Variants in NAV1 observed in about 807,000 individuals in gnomAD.
The protein encoded by NAV1 is pore membrane and/or filament interacting like protein 3.
Under a neutral mutation model 175.2 loss-of-function variants are expected in NAV1, and 18 were observed. That is an observed-to-expected ratio of 0.10 (90% CI 0.07 to 0.15). NAV1 has a LOEUF of 0.15. Among genes scored for constraint, NAV1 ranks in the 10% least tolerant of loss-of-function variants. The pLI is 1.00. For missense variants in NAV1, 1,731 were observed against 2,436.6 expected (o/e 0.71, Z 6.10); for synonymous variants, 897 against 978.7 (o/e 0.92, Z 1.56).
At position 201,782,831 on chromosome 1, in the gene NAV1, A is replaced by C. The variant is rs768514354; in HGVS notation, c.2319A>C (p.Thr773=). ...CCAAGAACCAAGCAAGCCACCCCACAGCCACCAAGCTGGCAGAGCTGCCAC... is the reference window on the plus strand; with the variant it reads ...CCAAGAACCAAGCAAGCCACCCCACCGCCACCAAGCTGGCAGAGCTGCCAC... The change falls in exon 6 of 30, where the codon ACA becomes ACC. Residue 773 remains threonine, a synonymous_variant. Transcript: ENST00000367296. This position sits in a 1 kb window ranked among gnomAD's most constrained non-coding sequence, Gnocchi z 5.4. 6.3e-7 allele frequency: 1 copy of C among 1,597,738 alleles called. No individual in the cohort carries two copies. Among genetic ancestry groups the C allele is most frequent in the Admixed American group, 1.7e-5 (1 of 58,342 alleles).
At chr1:201,802,869 C>T (rs1678027403) in intron 15 of NAV1, among the ~76,000 whole-genome samples, 1 of 152,048 alleles carries the variant, frequency 6.6e-6, no homozygotes, top group Non-Finnish European at 1.5e-5. Context: ...TTTTTCTGTA[C>T]CCCCACATGT....
chr1:201,783,025 T>C (rs1000754324), intron 6 of NAV1, among the ~76,000 whole-genome samples, 156 bp downstream of exon 10: 1 of 152,204 alleles, frequency 6.6e-6, no homozygotes, highest in Non-Finnish European at 1.5e-5. Context: ...GCCAAGGTTC[T>C]GAAAGAATCT....
chr1:201,725,003 A>G (rs1046563479), intron 3 of NAV1: 2 of 152,302 alleles, frequency 1.3e-5, no homozygotes, highest in Admixed American at 6.6e-5. Flanking sequence ...AGCGAGCTCA[A>G]GCCTTAAAGA....
chr1:201,614,667 G>C (rs1385570954), intron 2 of NAV1, among the ~76,000 whole-genome samples: 8 of 152,192 alleles, frequency 5.3e-5, no homozygotes, highest in Non-Finnish European at 1.0e-4. Flanking sequence ...GGCGGGGCCT[G>C]GCGCTGGAAT....
At chr1:201,814,775 C>T (rs908153238) in intron 28 of NAV1, among the ~76,000 whole-genome samples, 10 of 152,010 alleles carry the variant, frequency 6.6e-5, no homozygotes, top group African/African-American at 2.4e-4. Flanking sequence ...TGCGGTGGCT[C>T]ACGCCTGTAA....
chr1:201,546,845 A>G (rs1398998899), intron 1 of NAV1, among the ~76,000 whole-genome samples: 1 of 150,682 alleles, frequency 6.6e-6, no homozygotes, highest in Non-Finnish European at 1.5e-5. Context: ...CAGAAGTTGC[A>G]GTGAGCTGAG....
intron 1 of NAV1, among the ~76,000 whole-genome samples, chr1:201,691,158 C>T (rs1670917906): frequency 6.6e-6 from 1 of 152,172 alleles, no homozygotes; most frequent in Non-Finnish European, 1.5e-5. Context: ...GTAAGATGTT[C>T]AGCAGCATCC....
At chr1:201,592,054 G>A (rs1018353586) in intron 2 of NAV1, among the ~76,000 whole-genome samples, 37 of 152,148 alleles carry the variant, frequency 2.4e-4, no homozygotes, top group African/African-American at 8.0e-4. Flanking sequence ...GTCTGCAGAG[G>A]TGTCTTCTCT....
At chr1:201,597,159 G>A (rs549305365) in intron 2 of NAV1, among the ~76,000 whole-genome samples, 16 of 152,150 alleles carry the variant, frequency 1.1e-4, no homozygotes, top group Non-Finnish European at 1.5e-4. Context: ...GAGAAGCAAC[G>A]AGAACATTGG....
chr1:201,593,238 T>C (rs554600582), intron 2 of NAV1, among the ~76,000 whole-genome samples: 1 of 152,266 alleles, frequency 6.6e-6, no homozygotes, highest in East Asian at 1.9e-4. Context: ...AGCCCCATCG[T>C]CTCCAGCTTC....
At chr1:201,548,124 T>C (rs114479730) in intron 1 of NAV1, among the ~76,000 whole-genome samples, 134 of 152,366 alleles carry the variant, frequency 8.8e-4, no homozygotes, top group Non-Finnish European at 1.6e-3. Context: ...GCACATGCTA[T>C]GCTGTCCCCA....
At chr1:201,781,173 T>A (rs559534072) in exon 5 of NAV1, 1 of 1,614,140 alleles carries the variant, frequency 6.2e-7, no homozygotes, top group South Asian at 1.1e-5. Context: ...AGAGCTGTGA[T>A]GATTCATCCA....
At chr1:201,801,292 T>C (rs957549803) in intron 15 of NAV1, among the ~76,000 whole-genome samples, 1 of 152,156 alleles carries the variant, frequency 6.6e-6, no homozygotes, top group Non-Finnish European at 1.5e-5. Flanking sequence ...AAGGGAAAAT[T>C]AGAGTTTAAA....
chr1:201,605,215 TC>T (rs1000887672), intron 2 of NAV1, among the ~76,000 whole-genome samples: 2 of 151,360 alleles, frequency 1.3e-5, no homozygotes, highest in Non-Finnish European at 2.9e-5. Context: ...TTCTCTACTT[TC>T]CACCTTCCCT....
chr1:201,699,769 G>C (rs895845459), intron 1 of NAV1, among the ~76,000 whole-genome samples: 2 of 152,116 alleles, frequency 1.3e-5, no homozygotes, highest in Admixed American at 6.6e-5. Flanking sequence ...CAGAACAGAG[G>C]CCTCAAAAAT....
rs1026815449 is a variant in NAV1, at chr1:201,813,874, G to A, written c.5340+616G>A. On this transcript the variant is annotated intron_variant, in intron 28 of 29. Transcript: ENST00000367296. The surrounding 1 kb of genome is among the most constrained non-coding windows in gnomAD (Gnocchi z 4.2). The stretch of plus-strand genomic sequence containing the variant: ...AGATCAGGACCATCCTGGCTAACAT[G>A]GTGAAATCCCCTTTCTACTAAAAAT... 2.6e-5 allele frequency among the ~76,000 whole-genome samples: 4 copies of A among 152,032 alleles called. No homozygotes were observed. The highest frequency in any genetic ancestry group is 2.0e-4 in the Admixed American group (3 of 15,258).
At chr1:201,780,671 C>A in intron 4 of NAV1, 112 bp downstream of exon 8, 1 of 1,423,494 alleles carries the variant, frequency 7.0e-7, no homozygotes, top group South Asian at 1.3e-5. Flanking sequence ...GATTGGTTCT[C>A]ATAGGCCTTT....
chr1:201,773,457 TAGAG>T (rs1384491974), intron 3 of NAV1, among the ~76,000 whole-genome samples: 2 of 152,164 alleles, frequency 1.3e-5, no homozygotes, highest in Non-Finnish European at 2.9e-5. Flanking sequence ...CAGTGCATGT[TAGAG>T]GGAGGGAGGA....
At chr1:201,732,563 T>C (rs1672907363) in intron 3 of NAV1, among the ~76,000 whole-genome samples, 1 of 152,222 alleles carries the variant, frequency 6.6e-6, no homozygotes, top group Non-Finnish European at 1.5e-5. Flanking sequence ...TGGAACATTC[T>C]AGAGCCCAAC....
Sources: allele counts gnomAD v4.1 joint callset (sites outside exome capture counted in the v4.1 genomes callset), GRCh38; gene constraint gnomAD v4.1.1; non-coding constraint Gnocchi (gnomAD v3.1); transcripts MANE v1.5; gene names NCBI Gene and HGNC (gene_info 2026-07-23, HGNC 2026-07-21).